XKR4: variants seen among roughly 807,000 people sequenced by gnomAD.
XKR4 encodes XK related 4.
XKR4 carries 12 observed loss-of-function variants against 53.9 expected under a neutral mutation model. The ratio of observed to expected loss-of-function variants is 0.22; its 90% CI spans 0.14 to 0.36. The LOEUF (loss-of-function observed/expected upper bound fraction) is 0.36, where lower values mean the gene tolerates loss of function less well. Among genes scored for constraint, XKR4 ranks in the 10% least tolerant of loss-of-function variants. XKR4 has a pLI of 1.00. For synonymous variants in XKR4, 354 were observed against 362.4 expected, an observed-to-expected ratio of 0.98 and a Z score of 0.26; for missense variants, 799 against 859.5, an observed-to-expected ratio of 0.93 and a Z score of 0.88.
intron 1 of XKR4, among the ~76,000 whole-genome samples, chr8:55,341,067 G>A (rs1002001277): frequency 6.6e-6 from 1 of 152,180 alleles, no homozygotes; most frequent in Non-Finnish European, 1.5e-5. Context: ...AGAGAAAGAA[G>A]CACATCATTG....
intron 1 of XKR4, among the ~76,000 whole-genome samples, chr8:55,320,880 C>T (rs1351509194): frequency 1.3e-5 from 2 of 151,910 alleles, no homozygotes; most frequent in East Asian, 3.9e-4. Context: ...GGTGTGTCTC[C>T]CTCTAAATTT....
intron 1 of XKR4, among the ~76,000 whole-genome samples, chr8:55,185,070 T>C (rs371480771): frequency 7.4e-4 from 113 of 152,328 alleles, no homozygotes; most frequent in African/African-American, 2.5e-3. Flanking sequence ...CAAACAATAG[T>C]TTCTGCACAT....
intron 1 of XKR4, among the ~76,000 whole-genome samples, chr8:55,129,103 C>A (rs1453419753): frequency 2.6e-5 from 4 of 152,168 alleles, no homozygotes; most frequent in Admixed American, 6.5e-5. Context: ...ACAGTGAGAA[C>A]AATATTTTTC....
rs910813241 is a variant in XKR4, at chr8:55,244,941, G to A, written c.807-112737G>A. On this transcript the variant is annotated intron_variant, in intron 1 of 2. Transcript: ENST00000327381. ...TTTGAGATAGAGTCTCACTGTTGTC[G>A]CCTGGGCTGGAGTGTAATAGCGCGA... 9.6e-5 allele frequency among the ~76,000 whole-genome samples: 13 copies of A among 135,024 alleles called. No homozygotes were observed. The East Asian group carries it at 1.9e-3, about 20-fold the overall frequency. The allele number at this position is 135,024 out of a possible 152,430, so 88.6% of individuals were successfully genotyped here.
chr8:55,172,534 T>C (rs908777909), intron 1 of XKR4, among the ~76,000 whole-genome samples: 1 of 152,184 alleles, frequency 6.6e-6, no homozygotes, highest in Admixed American at 6.5e-5. Flanking sequence ...TTTTCTAAAA[T>C]TCCCCCTTTC....
chr8:55,501,523 C>G (rs1318510730), intron 2 of XKR4, among the ~76,000 whole-genome samples: 1 of 152,110 alleles, frequency 6.6e-6, no homozygotes, highest in Non-Finnish European at 1.5e-5. Flanking sequence ...TATGACTACT[C>G]TAGGTGCCTC....
intron 1 of XKR4, among the ~76,000 whole-genome samples, chr8:55,139,761 A>G (rs1269165620): frequency 1.3e-5 from 2 of 152,066 alleles, no homozygotes; most frequent in Non-Finnish European, 2.9e-5. Context: ...GGGAGTAATG[A>G]TGATTGCTGC....
At chr8:55,496,659 C>T (rs1806355362) in intron 2 of XKR4, among the ~76,000 whole-genome samples, 1 of 152,164 alleles carries the variant, frequency 6.6e-6, no homozygotes, top group Admixed American at 6.5e-5. Context: ...TCCCAACTCC[C>T]CTGCAAAAAC....
At chr8:55,512,586 T>C (rs1192666503) in intron 2 of XKR4, among the ~76,000 whole-genome samples, 1 of 152,254 alleles carries the variant, frequency 6.6e-6, no homozygotes, top group Non-Finnish European at 1.5e-5. Context: ...CTGTCTTCCA[T>C]ACTGATTTTT....
At chr8:55,420,634 G>T (rs1446172838) in intron 2 of XKR4, among the ~76,000 whole-genome samples, 4 of 125,374 alleles carry the variant, frequency 3.2e-5, no homozygotes, top group African/African-American at 1.2e-4. Context: ...GGGGACTGTT[G>T]TGGGGTGGGG....
At chr8:55,180,794 A>G (rs1817300730) in intron 1 of XKR4, among the ~76,000 whole-genome samples, 1 of 152,144 alleles carries the variant, frequency 6.6e-6, no homozygotes. Flanking sequence ...TGGCCTCCCA[A>G]AGTGCTGGGA....
chr8:55,176,293 A>G (rs552424942), intron 1 of XKR4, among the ~76,000 whole-genome samples: 4 of 152,334 alleles, frequency 2.6e-5, no homozygotes, highest in East Asian at 3.9e-4. Context: ...CATGGATTAG[A>G]TCCACTTGTC....
At position 55,163,347 on chromosome 8, in the gene XKR4, G is replaced by C. The variant is rs182674537; in HGVS notation, c.806+60053G>C. Among the ~76,000 whole-genome samples the C allele has an allele frequency of 5.3e-5, 8 of 152,304 alleles. No homozygotes were observed. The East Asian group carries it at 1.5e-3, about 29-fold the overall frequency. The stretch of plus-strand genomic sequence containing the variant: ...TAAGGGCTGCAGGAAGAGAGGATGA[G>C]GCCCTGTGGGCCTGAGAGAAAATAC... On this transcript the variant is annotated intron_variant, in intron 1 of 2. Coordinates refer to ENST00000327381, the MANE Select transcript of XKR4 (RefSeq NM_052898.2).
chr8:55,379,661 C>A (rs1394713743), intron 2 of XKR4, among the ~76,000 whole-genome samples: 1 of 152,226 alleles, frequency 6.6e-6, no homozygotes, highest in Non-Finnish European at 1.5e-5. Context: ...GCAGATAGAA[C>A]CAGGCTGCTG....
At chr8:55,210,851 G>A (rs547545968) in intron 1 of XKR4, among the ~76,000 whole-genome samples, 1 of 152,302 alleles carries the variant, frequency 6.6e-6, no homozygotes, top group African/African-American at 2.4e-5. Context: ...ATTTGCATAA[G>A]GTGTGCATTT....
At chr8:55,264,603 T>C (rs1434728715) in intron 1 of XKR4, among the ~76,000 whole-genome samples, 1 of 152,242 alleles carries the variant, frequency 6.6e-6, no homozygotes, top group East Asian at 1.9e-4. Flanking sequence ...TGTGAAACTA[T>C]GAATTTCCAT....
rs148089749 is a variant in XKR4 at position 55,198,900 on chromosome 8, A to C, written c.806+95606A>C. 1.7e-3 allele frequency among the ~76,000 whole-genome samples: 256 copies of C among 152,330 alleles called. 7 individuals are homozygous for C. Among genetic ancestry groups the C allele is most frequent in the Admixed American group, 0.016 (241 of 15,296 alleles). ...TTGATGTCTACAGAAAATATAATTT[A>C]GCCTTAACTTTAGCAAACTGACAAT... On this transcript the variant is annotated intron_variant, in intron 1 of 2. Transcript: ENST00000327381.
intron 2 of XKR4, among the ~76,000 whole-genome samples, chr8:55,396,256 G>T (rs1804515962): frequency 6.6e-6 from 1 of 152,140 alleles, no homozygotes; most frequent in Non-Finnish European, 1.5e-5. Flanking sequence ...AGATGCGTGT[G>T]CTGTTTGGCT....
At chr8:55,460,861 G>T (rs1399963899) in intron 2 of XKR4, among the ~76,000 whole-genome samples, 1 of 152,182 alleles carries the variant, frequency 6.6e-6, no homozygotes. Context: ...AGGTTCCTAC[G>T]CCCACAGAGC....
Sources: allele counts gnomAD v4.1 joint callset (sites outside exome capture counted in the v4.1 genomes callset), GRCh38; gene constraint gnomAD v4.1.1; transcripts MANE v1.5; gene names NCBI Gene and HGNC (gene_info 2026-07-23, HGNC 2026-07-21).